Variants in OC90 observed in about 807,000 individuals in gnomAD.
The protein encoded by OC90 is otoconin 90, also known as otoconin-90.
OC90 carries 46 observed loss-of-function variants against 47.3 expected under a neutral mutation model. That is an observed-to-expected ratio of 0.97 (90% CI 0.77 to 1.24). OC90 has a LOEUF of 1.24. Among genes scored for constraint, OC90 ranks in the 50% most tolerant of loss-of-function variants. The probability of loss-of-function intolerance (pLI) is 0.00; values close to 1 mark genes in which losing one functional copy is unlikely to be tolerated. For missense variants in OC90, 688 were observed against 583.9 expected (o/e 1.18, Z -1.84); for synonymous variants, 271 against 219.5 (o/e 1.23, Z -2.07).
At chr8:132,030,883 A>G (rs1393689462) in intron 12 of OC90, among the ~76,000 whole-genome samples, 1 of 152,098 alleles carries the variant, frequency 6.6e-6, no homozygotes, top group Non-Finnish European at 1.5e-5. Flanking sequence ...CAGCTGACAT[A>G]CTCCATATTC....
chr8:132,058,024 C>T (rs1008351735), intron 1 of OC90, among the ~76,000 whole-genome samples: 9 of 152,210 alleles, frequency 5.9e-5, no homozygotes, highest in African/African-American at 1.7e-4. Context: ...TCACAATTAT[C>T]GGTAGTACTT....
chr8:132,034,208 G>A (rs1458526669), intron 10 of OC90, among the ~76,000 whole-genome samples: 2 of 152,142 alleles, frequency 1.3e-5, no homozygotes, highest in African/African-American at 2.4e-5. Context: ...TTGAGTTTTA[G>A]CTTAGCTATG....
Position 132,041,120 on chromosome 8 carries a change from G to A in OC90, c.381C>T (p.Ala127=), listed in dbSNP as rs368734460. The A allele has an allele frequency of 1.4e-4, 219 of 1,613,710 alleles. No homozygotes were observed. Among genetic ancestry groups the A allele is most frequent in the African/African-American group, 1.9e-4 (14 of 74,930 alleles). ...CFQHRRCYEE[A]AEMDCLQDPA... is the part of the protein sequence containing the mutation. The stretch of plus-strand genomic sequence containing the variant: ...GGTCTTGGAGACAGTCCATCTCAGC[G>A]GCCTCCTCATAGCACCTGCGGTGCT... Residue 127 remains alanine (A), a synonymous_variant, in exon 6 of 14, where the codon GCC becomes GCT. Transcript: ENST00000254627.
At chr8:132,037,997 C>T (rs1032410022) in intron 8 of OC90, among the ~76,000 whole-genome samples, 7 of 152,150 alleles carry the variant, frequency 4.6e-5, no homozygotes, top group African/African-American at 1.7e-4. Context: ...CACCTGCTTT[C>T]TCTTTAACAA....
At chr8:132,031,358 A>G (rs6471027) in intron 12 of OC90, among the ~76,000 whole-genome samples, 111,823 of 152,162 alleles carry the variant, frequency 0.73, 41,299 homozygotes, top group East Asian at 0.77. Flanking sequence ...ATACATTAAT[A>G]AGTGCATGAG....
intron 5 of OC90, 30 bp from the exon 6 acceptor site, chr8:132,041,186 A>G: frequency 2.1e-6 from 3 of 1,427,838 alleles, no homozygotes; most frequent in Non-Finnish European, 3.0e-6. Context: ...AGGCAGGGTG[A>G]GAGTGTGGGT....
At chr8:132,040,904 G>A in intron 6 of OC90, 140 bp downstream of exon 6, 1 of 636,320 alleles carries the variant, frequency 1.6e-6, no homozygotes, top group Non-Finnish European at 2.8e-6. Flanking sequence ...AGCCCTCGTG[G>A]GGCTCTAAGT....
chr8:132,028,672 C>A (rs202010991), intron 13 of OC90, among the ~76,000 whole-genome samples: 43 of 51,228 alleles, frequency 8.4e-4, no homozygotes, highest in South Asian at 2.6e-3. Context: ...GAAAGAGAGA[C>A]AGAAAGAAAG....
intron 1 of OC90, among the ~76,000 whole-genome samples, chr8:132,055,802 GC>G (rs1402677576): frequency 2.6e-5 from 4 of 152,078 alleles, no homozygotes; most frequent in Non-Finnish European, 4.4e-5. Context: ...CAACCCTACT[GC>G]TTTTCAATTG....
intron 2 of OC90, among the ~76,000 whole-genome samples, chr8:132,054,299 TC>T (rs1436971451): frequency 6.6e-6 from 1 of 152,112 alleles, no homozygotes; most frequent in Non-Finnish European, 1.5e-5. Context: ...CACATTCACC[TC>T]CCCTCTGCCC....
rs1823122139 is a variant in OC90 at position 132,045,745 on chromosome 8, G to C, written c.112+73C>G. ...GAGTGGCTCTAGGGTGTATTCAGAA[G>C]GGATCATTTTCTCTGCCAATATCCT... On this transcript the variant is annotated intron_variant, in intron 3 of 13. Coordinates refer to ENST00000254627, the MANE Select transcript of OC90 (RefSeq NM_001080399.3). The C allele has an allele frequency of 3.6e-6, 3 of 843,610 alleles. No individual in the cohort carries two copies. The Admixed American group carries it at 6.0e-5, about 17-fold the overall frequency. 52.3% of individuals were successfully genotyped at this position (843,610 alleles called of 1,614,324 possible).
chr8:132,024,509 A>G lies in OC90; in HGVS notation c.1406T>C (p.Leu469Ser). Residue 469 changes from leucine to serine, a missense_variant, in exon 14 of 14, where the codon TTG (leucine) becomes TCG (serine). Transcript: ENST00000254627. Reference protein sequence around the residue: ...KRFLRKSLGPLGIGPLHGR With the variant: ...KRFLRKSLGPSGIGPLHGR The stretch of plus-strand genomic sequence containing the variant: ...TCTTCCATGAAGAGGCCCGATCCCC[A>G]AGGGACCCAGTGACTTCCGCAGAAA... The G allele has an allele frequency of 1.3e-6, 2 of 1,580,732 alleles. No individual in the cohort carries two copies. Among genetic ancestry groups the G allele is most frequent in the Non-Finnish European group, 1.7e-6 (2 of 1,160,520 alleles).
intron 2 of OC90, among the ~76,000 whole-genome samples, chr8:132,051,673 C>T (rs183510241): frequency 6.6e-6 from 1 of 152,242 alleles, no homozygotes; most frequent in African/African-American, 2.4e-5. Context: ...GGACTCCTGG[C>T]GGTAACATGT....
At chr8:132,045,926 T>C (rs1225558747) in intron 2 of OC90, 43 bp from the exon 3 acceptor site, 1 of 1,090,392 alleles carries the variant, frequency 9.2e-7, no homozygotes. Flanking sequence ...CAAACACTGA[T>C]ACAATTCACT....
chr8:132,054,631 T>C (rs1823257046), intron 2 of OC90, among the ~76,000 whole-genome samples: 1 of 152,236 alleles, frequency 6.6e-6, no homozygotes, highest in South Asian at 2.1e-4. Flanking sequence ...TGTAAATGGA[T>C]ACGATTGCAC....
At chr8:132,034,982 G>T in intron 9 of OC90, 148 bp from the exon 10 acceptor site, 1 of 600,072 alleles carries the variant, frequency 1.7e-6, no homozygotes, top group South Asian at 2.2e-5. Context: ...GATTTCCTAA[G>T]AGAGCTGGTG....
chr8:132,052,013 G>A (rs1439448346), intron 2 of OC90, among the ~76,000 whole-genome samples: 1 of 151,162 alleles, frequency 6.6e-6, no homozygotes, highest in Admixed American at 6.6e-5. Context: ...TGGTTTGAAG[G>A]TGAAAGGAGG....
At chr8:132,052,746 C>T (rs1823229905) in intron 2 of OC90, among the ~76,000 whole-genome samples, 1 of 152,214 alleles carries the variant, frequency 6.6e-6, no homozygotes, top group African/African-American at 2.4e-5. Flanking sequence ...AAGCTTGTTA[C>T]ACACAGAAGG....
chr8:132,058,969 A>G (rs1217015149), intron 1 of OC90, among the ~76,000 whole-genome samples: 2 of 152,052 alleles, frequency 1.3e-5, no homozygotes, highest in Admixed American at 6.5e-5. Context: ...CCCTGAGAGC[A>G]TCCCCTACCA....
Sources: allele counts gnomAD v4.1 joint callset (sites outside exome capture counted in the v4.1 genomes callset), GRCh38; gene constraint gnomAD v4.1.1; transcripts MANE v1.5; gene names NCBI Gene and HGNC (gene_info 2026-07-23, HGNC 2026-07-21).